PRR11: variants seen among roughly 807,000 people sequenced by gnomAD.
PRR11 encodes the protein proline rich 11.
A neutral mutation model predicts 45.6 loss-of-function variants in PRR11; 30 were observed. The observed-to-expected ratio is 0.66, with a 90% confidence interval of 0.49 to 0.89. PRR11 has a LOEUF of 0.89. PRR11 is among the 40% of genes least tolerant of loss of function. PRR11 has a pLI of 0.00. For missense variants in PRR11, 373 were observed against 424.8 expected (o/e 0.88, Z 1.07); for synonymous variants, 128 against 153.5 (o/e 0.83, Z 1.23).
chr17:59,161,277 T>C (rs1156327519), intron 1 of PRR11, among the ~76,000 whole-genome samples: 1 of 151,640 alleles, frequency 6.6e-6, no homozygotes, highest in East Asian at 1.9e-4. Flanking sequence ...CGTGGTAGTG[T>C]GTGCCTGTAG....
intron 2 of PRR11, among the ~76,000 whole-genome samples, chr17:59,181,258 G>A (rs1234470309): frequency 6.6e-6 from 1 of 151,696 alleles, no homozygotes; most frequent in Non-Finnish European, 1.5e-5. Flanking sequence ...AAAGTGCTGG[G>A]ATTACAGACG....
chr17:59,161,433 A>G (rs1180243626), intron 1 of PRR11, among the ~76,000 whole-genome samples: 2 of 151,002 alleles, frequency 1.3e-5, no homozygotes, highest in East Asian at 3.9e-4. Context: ...ACAAAAACAT[A>G]AAACAAAAAA....
At position 59,195,387 on chromosome 17, in the gene PRR11, T is replaced by A. The variant is rs2046860748; in HGVS notation, c.801T>A (p.His267Gln). 1 of 1,614,086 alleles carries A rather than the reference T, an allele frequency of 6.2e-7. No individual in the cohort carries two copies. The highest frequency in any genetic ancestry group is 1.3e-5 in the African/African-American group (1 of 75,056). Residue 267 changes from histidine to glutamine, a missense_variant, in exon 7 of 10, where the codon CAT becomes CAA. Transcript: ENST00000262293. ...NPLVTVSDLQ[H>Q]VTLKPNSKVL... ...TAGTTACCGTCTCTGACTTGCAGCA[T>A]GTTACCCTGAAACCTAACTCCAAAG... is the stretch of plus-strand genomic sequence containing the variant.
At chr17:59,200,717 C>T (rs964930424) in intron 9 of PRR11, among the ~76,000 whole-genome samples, 6 of 152,168 alleles carry the variant, frequency 3.9e-5, no homozygotes, top group Non-Finnish European at 7.4e-5. Context: ...TGGTCTCGAT[C>T]TCCTGACCTT....
intron 2 of PRR11, among the ~76,000 whole-genome samples, chr17:59,180,496 GTT>G (rs746347460): frequency 9.9e-6 from 1 of 101,380 alleles, no homozygotes. Context: ...GCCCGTCCTT[GTT>G]TTTTTTTTTT....
intron 1 of PRR11, among the ~76,000 whole-genome samples, chr17:59,165,590 C>G (rs1246252717): frequency 6.6e-6 from 1 of 151,918 alleles, no homozygotes; most frequent in African/African-American, 2.4e-5. Context: ...GTCGGGAGTT[C>G]CAGACCAGCC....
chr17:59,160,861 G>T, intron 1 of PRR11: 1 of 152,026 alleles, frequency 6.6e-6, no homozygotes, highest in Non-Finnish European at 1.5e-5. Context: ...ACCCTTCAGA[G>T]TGGCTAGGAC....
chr17:59,183,119 C>T (rs1441578646), intron 2 of PRR11, among the ~76,000 whole-genome samples: 1 of 152,108 alleles, frequency 6.6e-6, no homozygotes, highest in African/African-American at 2.4e-5. Context: ...TGAAGAAAAA[C>T]ACATGTAACT....
chr17:59,193,976 A>G (rs1464294091), intron 5 of PRR11, among the ~76,000 whole-genome samples: 1 of 152,228 alleles, frequency 6.6e-6, no homozygotes, highest in African/African-American at 2.4e-5. Flanking sequence ...GAAGATTTCT[A>G]TTCGCTTCTC....
Position 59,204,891 on chromosome 17 carries a change from G to A in PRR11, c.*3260G>A, listed in dbSNP as rs141727360. Reference sequence around the variant, plus strand: ...AAAAAACGAAAAATTAGCCGGGAGCGGTGATGTGTGCCTGTAGTCCCAGCT... The same window carrying A: ...AAAAAACGAAAAATTAGCCGGGAGCAGTGATGTGTGCCTGTAGTCCCAGCT... On this transcript the variant is annotated 3_prime_UTR_variant, in exon 10 of 10. Coordinates refer to ENST00000262293, the MANE Select transcript of PRR11 (RefSeq NM_018304.4). Among the ~76,000 whole-genome samples the A allele has an allele frequency of 4.6e-5, 7 of 152,024 alleles. No individual in the cohort carries two copies. Among genetic ancestry groups the A allele is most frequent in the South Asian group, 2.1e-4 (1 of 4,810 alleles).
At chr17:59,179,417 G>A (rs186237678) in intron 2 of PRR11, among the ~76,000 whole-genome samples, 8 of 152,168 alleles carry the variant, frequency 5.3e-5, no homozygotes, top group East Asian at 3.9e-4. Flanking sequence ...GATCTCAGAC[G>A]TGAGCCACCG....
In PRR11 at chr17:59,197,606, A is replaced by G. The variant is rs2046872830; in HGVS notation, c.917+3A>G. The G allele has an allele frequency of 6.2e-7, 1 of 1,612,202 alleles. No homozygotes were observed. The highest frequency in any genetic ancestry group is 1.3e-5 in the African/African-American group (1 of 74,892). On this transcript the variant is annotated splice_donor_region_variant and intron_variant, in intron 8 of 9. Transcript: ENST00000262293. ...CTTAGAAAAGTCGATGTAGAGAGGT[A>G]ATACACTCTCATATCTTTATGCCTT...
chr17:59,166,374 G>T (rs1437078569), intron 1 of PRR11, among the ~76,000 whole-genome samples: 1 of 152,110 alleles, frequency 6.6e-6, no homozygotes, highest in Admixed American at 6.5e-5. Flanking sequence ...AAGCAGCAAA[G>T]CCCTTCTGGA....
Position 59,182,538 on chromosome 17 carries a change from C to T in PRR11, c.129-2516C>T, listed in dbSNP as rs1188145327. ...TCCCAAATAGCTGGGATTACAGGCGCGCACCACTACCACCTGGCTAATTTT... is the reference window on the plus strand; with the variant it reads ...TCCCAAATAGCTGGGATTACAGGCGTGCACCACTACCACCTGGCTAATTTT... On this transcript the variant is annotated intron_variant, in intron 2 of 9. Transcript: ENST00000262293. Among the ~76,000 whole-genome samples, 6 of 150,400 alleles carry T rather than the reference C, an allele frequency of 4.0e-5. No individual in the cohort carries two copies. In the East Asian group the frequency reaches 6.0e-4, roughly 15 times the overall value.
At chr17:59,196,996 C>T (rs1465286382) in intron 7 of PRR11, among the ~76,000 whole-genome samples, 1 of 151,558 alleles carries the variant, frequency 6.6e-6, no homozygotes, top group East Asian at 2.0e-4. Context: ...TTACAGGCAC[C>T]CGCCACCACG....
intron 2 of PRR11, among the ~76,000 whole-genome samples, chr17:59,181,192 G>A (rs2046783622): frequency 6.6e-6 from 1 of 151,186 alleles, no homozygotes; most frequent in African/African-American, 2.4e-5. Context: ...GTTTCACCAT[G>A]TTAGCCAGGA....
chr17:59,156,470 G>A (rs1428875167), intron 1 of PRR11, among the ~76,000 whole-genome samples: 1 of 151,902 alleles, frequency 6.6e-6, no homozygotes, highest in East Asian at 1.9e-4. Context: ...AGTGCTATGG[G>A]TGTTCAAGAA....
At position 59,202,116 on chromosome 17, in the gene PRR11, TG is replaced by T. The variant is rs1179232443; in HGVS notation, c.*487del. On this transcript the variant is annotated 3_prime_UTR_variant, in exon 10 of 10. Transcript: ENST00000262293. ...GATATAAAGTGTATATACAGATATT[TG>T]GATATTTTCTAGTTTGCATGATGAT... 6.5e-6 allele frequency: 1 copy of T among 153,398 alleles called. No homozygotes were observed. The highest frequency in any genetic ancestry group is 2.4e-5 in the African/African-American group (1 of 41,436). 9.5% of individuals were successfully genotyped at this position (153,398 alleles called of 1,614,324 possible). A position where few individuals can be genotyped will look rare whatever the true frequency, so the allele number is the denominator to read the frequency against.
intron 2 of PRR11, chr17:59,179,920 T>A: frequency 7.7e-7 from 1 of 1,305,882 alleles, no homozygotes; most frequent in Non-Finnish European, 1.1e-6. Flanking sequence ...GCTTCTGCAA[T>A]TGAACTCCTT....
Sources: gnomAD v4.1 joint callset for allele counts (sites outside exome capture counted in the v4.1 genomes callset) on GRCh38, gnomAD v4.1.1 for gene constraint, MANE v1.5 for transcripts, NCBI Gene and HGNC (gene_info 2026-07-23, HGNC 2026-07-21) for gene names.